Variants in ARID1B observed in about 807,000 individuals in gnomAD.
ARID1B encodes the protein AT-rich interactive domain-containing protein 1B.
Under a neutral mutation model 212.3 loss-of-function variants are expected in ARID1B, and 30 were observed. The observed-to-expected ratio is 0.14, with a 90% CI of 0.11 to 0.19. ARID1B has a LOEUF of 0.19. Among genes scored for constraint, ARID1B ranks in the 10% least tolerant of loss-of-function variants. ARID1B has a pLI of 1.00. For synonymous variants in ARID1B, 1,402 were observed against 1,301.7 expected, an observed-to-expected ratio of 1.08 and a Z score of -1.66; for missense variants, 2,891 against 3,204.0, an observed-to-expected ratio of 0.90 and a Z score of 2.36.
intron 3 of ARID1B, among the ~76,000 whole-genome samples, chr6:156,905,241 C>T (rs914028023): frequency 2.7e-5 from 4 of 145,614 alleles, no homozygotes; most frequent in African/African-American, 1.0e-4. Context: ...ATTGTGCTCA[C>T]ATATGCACGC....
chr6:157,006,954 CA>C (rs1779282587), intron 4 of ARID1B, among the ~76,000 whole-genome samples: 1 of 151,218 alleles, frequency 6.6e-6, no homozygotes, highest in African/African-American at 2.4e-5. Flanking sequence ...CATGTGTGTA[CA>C]CACACACACA....
In ARID1B at chr6:156,893,045, C is replaced by CTTTTTTTTTTTTTTTTT. The variant is rs567719662; in HGVS notation, c.1987-8316_1987-8315insTTTTTTTTTTTTTTTTT. 2.6e-4 allele frequency among the ~76,000 whole-genome samples: 22 copies of CTTTTTTTTTTTTTTTTT among 85,914 alleles called. 2 individuals carry two copies. Among genetic ancestry groups the CTTTTTTTTTTTTTTTTT allele is most frequent in the African/African-American group, 9.4e-4 (20 of 21,318 alleles). The allele number at this position is 85,914 out of a possible 152,430, so 56.4% of individuals were successfully genotyped here. A position where few individuals can be genotyped will look rare whatever the true frequency, so the allele number is the denominator to read the frequency against. The stretch of plus-strand genomic sequence containing the variant: ...AACTCTTTTTTTTTCTTTTTTCTTC[C>CTTTTTTTTTTTTTTTTT]TTTTTTTTTTTTTTTGAGATGGAGT... On this transcript the variant is annotated intron_variant, in intron 2 of 19. Transcript: ENST00000636930.
intron 2 of ARID1B, among the ~76,000 whole-genome samples, chr6:156,833,880 C>T (rs192922301): frequency 5.9e-5 from 9 of 152,254 alleles, no homozygotes; most frequent in African/African-American, 2.2e-4. Flanking sequence ...TTGGTACCCT[C>T]TTAACAGCCA....
chr6:156,854,063 G>A (rs1196643835), intron 2 of ARID1B, among the ~76,000 whole-genome samples: 1 of 152,166 alleles, frequency 6.6e-6, no homozygotes, highest in African/African-American at 2.4e-5. Flanking sequence ...GTTAAATGAG[G>A]TGATACTTGT....
chr6:156,901,892 G>T, intron 3 of ARID1B: 1 of 239,074 alleles, frequency 4.2e-6, no homozygotes, highest in Non-Finnish European at 8.1e-6. Flanking sequence ...CCTTCTAGTT[G>T]GCACGTGCAT....
At chr6:157,056,202 T>C (rs759113596) in intron 4 of ARID1B, among the ~76,000 whole-genome samples, 1 of 152,190 alleles carries the variant, frequency 6.6e-6, no homozygotes, top group Admixed American at 6.5e-5. Flanking sequence ...CTGGGAGTTT[T>C]AGGAACCATC....
chr6:156,935,228 A>G (rs1300718617), intron 3 of ARID1B, among the ~76,000 whole-genome samples: 1 of 151,432 alleles, frequency 6.6e-6, no homozygotes, highest in Non-Finnish European at 1.5e-5. Context: ...AAGTAGCTGC[A>G]CCACCACACT....
intron 4 of ARID1B, among the ~76,000 whole-genome samples, chr6:156,973,371 A>T (rs992100850): frequency 1.3e-5 from 2 of 152,174 alleles, no homozygotes; most frequent in Non-Finnish European, 2.9e-5. Context: ...GTAACTGTTA[A>T]TAAATGATCT....
intron 1 of ARID1B, among the ~76,000 whole-genome samples, chr6:156,799,862 A>G (rs1780657995): frequency 6.6e-6 from 1 of 152,216 alleles, no homozygotes; most frequent in Non-Finnish European, 1.5e-5. Context: ...ATTTGGTTAG[A>G]GAGACCTGTG....
At chr6:157,093,086 G>C (rs190890709) in intron 5 of ARID1B, among the ~76,000 whole-genome samples, 6 of 152,128 alleles carry the variant, frequency 3.9e-5, no homozygotes, top group African/African-American at 9.7e-5. Context: ...TTCTCCCTTC[G>C]CTGAGAATGA....
At position 157,005,443 on chromosome 6, in the gene ARID1B, C is replaced by T. The variant is rs1025980477; in HGVS notation, c.2247+69867C>T. ...TGCTGGGATTACAGGCGTGAGTCAC[C>T]GTGCCAGGCCCTTATGTAGTGGCAT... is the stretch of plus-strand genomic sequence containing the variant. On this transcript the variant is annotated intron_variant, in intron 4 of 19. Coordinates refer to ENST00000636930, the MANE Select transcript of ARID1B (RefSeq NM_001374828.1). 5.9e-5 allele frequency among the ~76,000 whole-genome samples: 9 copies of T among 152,144 alleles called. No individual in the cohort carries two copies. The East Asian group carries it at 1.2e-3, about 20-fold the overall frequency.
rs554341193 is a variant in ARID1B, at chr6:156,803,166, A to G, written c.1791+23695A>G. 3.3e-5 allele frequency among the ~76,000 whole-genome samples: 5 copies of G among 152,210 alleles called. No individual in the cohort carries two copies. In the East Asian group the frequency reaches 9.6e-4, roughly 29 times the overall value. On this transcript the variant is annotated intron_variant, in intron 1 of 19. Coordinates refer to ENST00000636930, the MANE Select transcript of ARID1B (RefSeq NM_001374828.1). ...AGCAACGATGTTTTCTTTTTATCAG[A>G]TTGACTCTAGTATGCAGAGATGATG...
intron 1 of ARID1B, among the ~76,000 whole-genome samples, chr6:156,784,748 C>T (rs1041914577): frequency 2.6e-5 from 4 of 152,082 alleles, no homozygotes; most frequent in Non-Finnish European, 5.9e-5. Context: ...AAAATTCTTT[C>T]CTTACATTTA....
chr6:157,073,747 C>G (rs1177563712), intron 4 of ARID1B, among the ~76,000 whole-genome samples: 4 of 152,178 alleles, frequency 2.6e-5, no homozygotes, highest in Non-Finnish European at 5.9e-5. Flanking sequence ...TGCTCTTACC[C>G]CACAATTCCT....
intron 1 of ARID1B, among the ~76,000 whole-genome samples, chr6:156,793,692 G>A (rs893548726): frequency 6.6e-6 from 1 of 152,174 alleles, no homozygotes; most frequent in Non-Finnish European, 1.5e-5. Flanking sequence ...GGGGAAACAT[G>A]AAATCAGCCT....
chr6:156,934,682 A>G (rs1309061646), intron 3 of ARID1B, among the ~76,000 whole-genome samples: 1 of 151,898 alleles, frequency 6.6e-6, no homozygotes, highest in East Asian at 1.9e-4. Context: ...GTTGATAGTA[A>G]GGTTTTCGTT....
intron 2 of ARID1B, among the ~76,000 whole-genome samples, chr6:156,834,982 C>A (rs1333327203): frequency 6.6e-6 from 1 of 151,938 alleles, no homozygotes; most frequent in East Asian, 1.9e-4. Flanking sequence ...CGCCTGTAAT[C>A]CCAGCACTTG....
chr6:156,813,113 T>A (rs1188168148), intron 1 of ARID1B, among the ~76,000 whole-genome samples: 98 of 140,278 alleles, frequency 7.0e-4, no homozygotes, highest in Admixed American at 3.1e-3. Flanking sequence ...TATATATTTT[T>A]TTTTTTTTTG....
intron 11 of ARID1B, among the ~76,000 whole-genome samples, chr6:157,180,571 G>T (rs913194905): frequency 3.3e-5 from 5 of 152,050 alleles, no homozygotes; most frequent in Non-Finnish European, 5.9e-5. Context: ...AATGTTTTGG[G>T]CTCTATAATA....
Sources: allele counts gnomAD v4.1 joint callset (sites outside exome capture counted in the v4.1 genomes callset), GRCh38; gene constraint gnomAD v4.1.1; transcripts MANE v1.5; gene names NCBI Gene and HGNC (gene_info 2026-07-23, HGNC 2026-07-21).